Variants in PDE10A observed in about 807,000 individuals in gnomAD.
PDE10A encodes phosphodiesterase 10A, also known as cAMP and cAMP-inhibited cGMP 3',5'-cyclic phosphodiesterase 10A.
In PDE10A, 39 loss-of-function variants were observed where a neutral mutation model predicts 97.7. The ratio of observed to expected loss-of-function variants is 0.40; its 90% CI spans 0.31 to 0.52. The LOEUF (loss-of-function observed/expected upper bound fraction) is 0.52. Ranked by LOEUF, PDE10A falls within the 20% of genes least tolerant of loss-of-function variation. The probability of loss-of-function intolerance (pLI) is 0.56; values close to 1 mark genes in which losing one functional copy is unlikely to be tolerated. For synonymous variants in PDE10A, 371 were observed against 376.8 expected, an observed-to-expected ratio of 0.98 and a Z score of 0.18; for missense variants, 731 against 1,047.8, an observed-to-expected ratio of 0.70 and a Z score of 4.17.
chr6:165,561,670 G>C (rs1289664559), intron 1 of PDE10A, among the ~76,000 whole-genome samples: 1 of 152,106 alleles, frequency 6.6e-6, no homozygotes, highest in Non-Finnish European at 1.5e-5. Context: ...ACCAGTTATT[G>C]GTCCTAAAAT....
chr6:165,958,696 G>A (rs1279022554), intron 1 of PDE10A, among the ~76,000 whole-genome samples: 2 of 97,360 alleles, frequency 2.1e-5, no homozygotes, highest in Admixed American at 2.0e-4. Context: ...GAAAGAAAGA[G>A]AAAGAAAGAA....
chr6:165,575,536 T>C (rs1785259836), intron 1 of PDE10A, among the ~76,000 whole-genome samples: 1 of 152,184 alleles, frequency 6.6e-6, no homozygotes, highest in Non-Finnish European at 1.5e-5. Context: ...TTCCCCTTTA[T>C]GTCTCATGTC....
intron 1 of PDE10A, among the ~76,000 whole-genome samples, chr6:165,909,922 A>G (rs766450769): frequency 6.6e-6 from 1 of 151,908 alleles, no homozygotes; most frequent in African/African-American, 2.4e-5. Flanking sequence ...CTTTTTCTCT[A>G]CAAAGCCCTC....
intron 1 of PDE10A, among the ~76,000 whole-genome samples, chr6:165,703,084 T>C (rs1791620776): frequency 6.6e-6 from 1 of 152,200 alleles, no homozygotes; most frequent in Admixed American, 6.5e-5. Context: ...ACAAACTGCC[T>C]TTGGAGACGT....
intron 1 of PDE10A, among the ~76,000 whole-genome samples, chr6:165,587,312 T>C (rs1785971934): frequency 1.3e-5 from 2 of 152,100 alleles, no homozygotes; most frequent in Admixed American, 6.6e-5. Flanking sequence ...AGAAAGCAAT[T>C]AGAACGATAC....
intron 1 of PDE10A, among the ~76,000 whole-genome samples, chr6:165,624,020 ACAAGGC>A: frequency 6.6e-6 from 1 of 152,338 alleles, no homozygotes; most frequent in East Asian, 1.9e-4. Flanking sequence ...TACTCTCTCC[ACAAGGC>A]CAAGGCCTCC....
intron 2 of PDE10A, among the ~76,000 whole-genome samples, chr6:165,516,094 A>G (rs1781788835): frequency 6.6e-6 from 1 of 152,194 alleles, no homozygotes; most frequent in African/African-American, 2.4e-5. Context: ...ACATTTTCAA[A>G]TAATATTCCA....
At chr6:165,988,000 A>T (rs546590497), upstream of PDE10A, 2 of 408,560 alleles carry the variant, frequency 4.9e-6, no homozygotes, top group South Asian at 3.6e-5. Flanking sequence ...TGTGTGTCCG[A>T]GTGCACTTCA....
At chr6:165,898,898 T>C (rs1782029215) in intron 1 of PDE10A, among the ~76,000 whole-genome samples, 1 of 152,206 alleles carries the variant, frequency 6.6e-6, no homozygotes, top group Non-Finnish European at 1.5e-5. Context: ...AGAAGGTTCT[T>C]CCTCCAGATG....
intron 1 of PDE10A, among the ~76,000 whole-genome samples, chr6:165,608,054 ATATATATGTATATATATATG>A (rs1419144396): frequency 2.7e-5 from 4 of 148,090 alleles, no homozygotes; most frequent in South Asian, 2.1e-4. Flanking sequence ...CTTTTCTTGT[ATATATATGTATATATATATG>A]TATATATGTA....
chr6:165,910,225 G>T (rs1037148460), intron 1 of PDE10A, among the ~76,000 whole-genome samples: 1 of 152,272 alleles, frequency 6.6e-6, no homozygotes, highest in Non-Finnish European at 1.5e-5. Context: ...TGTTAAGCAG[G>T]ACTCAAGAGA....
intron 18 of PDE10A, among the ~76,000 whole-genome samples, chr6:165,364,319 C>T (rs1488580980): frequency 6.6e-6 from 1 of 152,142 alleles, no homozygotes; most frequent in Non-Finnish European, 1.5e-5. Flanking sequence ...TCCCTCCCTT[C>T]TTCCATCAAG....
chr6:165,552,564 C>A (rs1784070538), intron 1 of PDE10A, among the ~76,000 whole-genome samples: 1 of 152,208 alleles, frequency 6.6e-6, no homozygotes, highest in Non-Finnish European at 1.5e-5. Flanking sequence ...GGAATTGAGT[C>A]TCTAACATGC....
intron 21 of PDE10A, among the ~76,000 whole-genome samples, chr6:165,334,097 T>C (rs1375702420): frequency 6.6e-6 from 1 of 152,244 alleles, no homozygotes; most frequent in Non-Finnish European, 1.5e-5. Flanking sequence ...ACACTAATTT[T>C]GGTATGTTTC....
intron 1 of PDE10A, among the ~76,000 whole-genome samples, chr6:165,755,377 T>G (rs1793094451): frequency 6.6e-6 from 1 of 152,230 alleles, no homozygotes; most frequent in Admixed American, 6.5e-5. Flanking sequence ...TTGTAAGATT[T>G]GTAAAATAAA....
chr6:165,475,031 C>T (rs1023807475), intron 3 of PDE10A, among the ~76,000 whole-genome samples: 1 of 152,166 alleles, frequency 6.6e-6, no homozygotes, highest in Admixed American at 6.5e-5. Flanking sequence ...TGCTACTCCA[C>T]ACATCTGCCA....
chr6:165,725,842 C>T (rs1403984427), intron 1 of PDE10A, among the ~76,000 whole-genome samples: 1 of 152,080 alleles, frequency 6.6e-6, no homozygotes, highest in Non-Finnish European at 1.5e-5. Context: ...ACTTGTCCTC[C>T]CAGCTCCATG....
At chr6:165,632,532 A>T (rs575280527) in intron 1 of PDE10A, among the ~76,000 whole-genome samples, 148 of 152,328 alleles carry the variant, frequency 9.7e-4, no homozygotes, top group Non-Finnish European at 1.8e-3. Flanking sequence ...ATGCCTGAAA[A>T]AGCAGAGCTA....
intron 1 of PDE10A, among the ~76,000 whole-genome samples, chr6:165,694,552 G>A (rs969037522): frequency 1.4e-5 from 2 of 147,404 alleles, no homozygotes; most frequent in African/African-American, 5.4e-5. Flanking sequence ...GGAGAGCAGC[G>A]GGCGGTGTCG....
Sources: gnomAD v4.1 joint callset for allele counts (sites outside exome capture counted in the v4.1 genomes callset) on GRCh38, gnomAD v4.1.1 for gene constraint, MANE v1.5 for transcripts, NCBI Gene and HGNC (gene_info 2026-07-23, HGNC 2026-07-21) for gene names.